FAM117B: variants seen among roughly 807,000 people sequenced by gnomAD.
FAM117B encodes the protein family with sequence similarity 117 member B.
Under a neutral mutation model 52.8 loss-of-function variants are expected in FAM117B, and 22 were observed. The observed-to-expected ratio is 0.42, with a 90% CI of 0.30 to 0.59. FAM117B has a LOEUF of 0.59. Ranked by LOEUF, FAM117B falls within the 20% of genes least tolerant of loss-of-function variation. The pLI, the probability that FAM117B is intolerant of heterozygous loss-of-function variation, is 0.22. For synonymous variants in FAM117B, 309 were observed against 324.1 expected, an observed-to-expected ratio of 0.95 and a Z score of 0.50; for missense variants, 678 against 802.6, an observed-to-expected ratio of 0.84 and a Z score of 1.88.
chr2:202,664,779 A>G (rs1402211061), intron 1 of FAM117B, among the ~76,000 whole-genome samples: 1 of 152,160 alleles, frequency 6.6e-6, no homozygotes, highest in Non-Finnish European at 1.5e-5. Flanking sequence ...GGCCTCGCTT[A>G]TAAGAAGTCA....
At chr2:202,746,791 T>C (rs1691639563) in intron 4 of FAM117B, among the ~76,000 whole-genome samples, 1 of 151,968 alleles carries the variant, frequency 6.6e-6, no homozygotes, top group Admixed American at 6.6e-5. Context: ...ACTAAATGGT[T>C]TTACTGCTGA....
Position 202,664,012 on chromosome 2 carries a change from A to G in FAM117B, c.601+28224A>G, listed in dbSNP as rs184451429. Among the ~76,000 whole-genome samples, 736 of 152,352 alleles carry G rather than the reference A, an allele frequency of 4.8e-3. 8 individuals are homozygous for G. The highest frequency in any genetic ancestry group is 8.3e-3 in the Non-Finnish European group (567 of 68,028). ...TTAAAATATGTGGATGACACAGTGC[A>G]AACTCATTATTTCCAAAAAAAAGCA... On this transcript the variant is annotated intron_variant, in intron 1 of 7. Transcript: ENST00000392238.
intron 1 of FAM117B, among the ~76,000 whole-genome samples, chr2:202,691,699 G>GCA (rs991965022): frequency 2.7e-4 from 30 of 112,590 alleles, no homozygotes; most frequent in Admixed American, 1.9e-3. Context: ...GTGTGTGTGT[G>GCA]CGCGCGCGCC....
intron 5 of FAM117B, among the ~76,000 whole-genome samples, chr2:202,756,113 A>G (rs1418411185): frequency 6.6e-6 from 1 of 152,186 alleles, no homozygotes; most frequent in Non-Finnish European, 1.5e-5. Flanking sequence ...ATGTCATCAT[A>G]AAGTACATTT....
intron 7 of FAM117B, among the ~76,000 whole-genome samples, chr2:202,761,401 T>A (rs1239981853): frequency 6.6e-6 from 1 of 152,238 alleles, no homozygotes; most frequent in East Asian, 1.9e-4. Flanking sequence ...TATGTACTAC[T>A]ACATTATTTA....
intron 4 of FAM117B, among the ~76,000 whole-genome samples, chr2:202,742,319 A>G (rs984261815): frequency 2.0e-5 from 3 of 152,246 alleles, no homozygotes; most frequent in Admixed American, 6.5e-5. Flanking sequence ...CTTTACAAGT[A>G]AAGCAATGTG....
chr2:202,759,626 C>T (rs929740247), intron 7 of FAM117B, among the ~76,000 whole-genome samples: 1 of 150,878 alleles, frequency 6.6e-6, no homozygotes, highest in African/African-American at 2.4e-5. Context: ...GGCACAATCT[C>T]AGCTCACTGC....
chr2:202,722,853 A>AAC (rs1691176353), intron 2 of FAM117B, among the ~76,000 whole-genome samples: 5 of 152,122 alleles, frequency 3.3e-5, no homozygotes, highest in Non-Finnish European at 7.4e-5. Context: ...TTCATTTGTT[A>AAC]AGGTTTTAAA....
chr2:202,730,435 C>T (rs147674416), intron 4 of FAM117B, among the ~76,000 whole-genome samples: 1,881 of 152,160 alleles, frequency 0.012, 18 homozygotes, highest in Middle Eastern at 0.034. Flanking sequence ...TTTGGGAGGC[C>T]GAGGCGGGTG....
chr2:202,640,340 A>ATATG (rs1553517979), intron 1 of FAM117B, among the ~76,000 whole-genome samples: 1,412 of 105,668 alleles, frequency 0.013, 207 homozygotes, highest in African/African-American at 0.057. Context: ...ATATATATAT[A>ATATG]TATGGCAAGT....
chr2:202,671,137 G>A (rs1468158430), intron 1 of FAM117B, among the ~76,000 whole-genome samples: 2 of 152,178 alleles, frequency 1.3e-5, no homozygotes, highest in Non-Finnish European at 2.9e-5. Flanking sequence ...GAAGGTTGTA[G>A]TTTTGTCGAT....
At chr2:202,725,500 G>T (rs934312905) in intron 3 of FAM117B, among the ~76,000 whole-genome samples, 3 of 152,056 alleles carry the variant, frequency 2.0e-5, no homozygotes, top group African/African-American at 7.2e-5. Flanking sequence ...TGTATTTTCA[G>T]TAGAGATGGG....
At chr2:202,711,099 G>A (rs776674629) in intron 2 of FAM117B, among the ~76,000 whole-genome samples, 2 of 152,004 alleles carry the variant, frequency 1.3e-5, no homozygotes, top group African/African-American at 2.4e-5. Flanking sequence ...GGATCATATG[G>A]TTCCTCTATT....
chr2:202,752,812 G>A (rs1691746060), intron 4 of FAM117B, among the ~76,000 whole-genome samples: 1 of 152,104 alleles, frequency 6.6e-6, no homozygotes, highest in Non-Finnish European at 1.5e-5. Flanking sequence ...CTGTAATTAT[G>A]TAACCAGATA....
intron 1 of FAM117B, among the ~76,000 whole-genome samples, chr2:202,658,940 GTTC>G (rs1053271230): frequency 6.6e-6 from 1 of 151,478 alleles, no homozygotes; most frequent in African/African-American, 2.4e-5. Context: ...TTTTTCTTTT[GTTC>G]TTCTGGGACT....
At chr2:202,757,172 T>G in intron 5 of FAM117B, 41 bp from the exon 6 acceptor site, 1 of 1,574,726 alleles carries the variant, frequency 6.4e-7, no homozygotes, top group Non-Finnish European at 8.7e-7. Flanking sequence ...TGATTCGAAA[T>G]TAATTATAAA....
chr2:202,710,137 A>G (rs1690935549), intron 2 of FAM117B, among the ~76,000 whole-genome samples: 1 of 152,098 alleles, frequency 6.6e-6, no homozygotes, highest in African/African-American at 2.4e-5. Flanking sequence ...CGAGTTTTAG[A>G]ATTATTACCT....
intron 1 of FAM117B, among the ~76,000 whole-genome samples, chr2:202,643,910 G>A (rs147535263): frequency 0.049 from 7,406 of 151,938 alleles, 620 homozygotes; most frequent in African/African-American, 0.17. Context: ...GGGTTTCCCC[G>A]TGTTGGCCAG....
chr2:202,758,402 G>T (rs944781975), intron 6 of FAM117B, among the ~76,000 whole-genome samples: 1 of 152,068 alleles, frequency 6.6e-6, no homozygotes, highest in Non-Finnish European at 1.5e-5. Context: ...CTACTTCTAC[G>T]TCAATAACAT....
Sources: allele counts gnomAD v4.1 joint callset (sites outside exome capture counted in the v4.1 genomes callset), GRCh38; gene constraint gnomAD v4.1.1; transcripts MANE v1.5; gene names NCBI Gene and HGNC (gene_info 2026-07-23, HGNC 2026-07-21).